Variants in UBR4 observed in about 807,000 individuals in gnomAD.
The protein encoded by UBR4 is E3 ubiquitin-protein ligase UBR4.
A neutral mutation model predicts 575.6 loss-of-function variants in UBR4; 124 were observed. The observed-to-expected ratio is 0.22, with a 90% CI of 0.19 to 0.25. UBR4 has a LOEUF of 0.25. Ranked by LOEUF, UBR4 falls within the 10% of genes least tolerant of loss-of-function variation. The pLI is 1.00. For synonymous variants in UBR4, 2,455 were observed against 2,473.7 expected (o/e 0.99, Z 0.22); for missense variants, 4,818 against 6,478.8 (o/e 0.74, Z 8.80).
At chr1:19,099,988 G>C in intron 89 of UBR4, 1 of 429,174 alleles carries the variant, frequency 2.3e-6, no homozygotes, top group Non-Finnish European at 4.2e-6. Flanking sequence ...GACCCTCAAC[G>C]GTCTGCCAGA....
Position 19,148,292 on chromosome 1 carries a change from T to C in UBR4, c.7495-165A>G, listed in dbSNP as rs1259139838. ...AAAGTTTCAGAAATTATAATCCTCC[T>C]TCTTACCAGAGGAAGACATGGAATC... is the stretch of plus-strand genomic sequence containing the variant. On this transcript the variant is annotated intron_variant, in intron 50 of 105. Transcript: ENST00000375254. Among the ~76,000 whole-genome samples, 3 of 152,140 alleles carry C rather than the reference T, an allele frequency of 2.0e-5. 1 individual carries two copies. In the South Asian group the frequency reaches 6.2e-4, roughly 32 times the overall value.
At position 19,092,712 on chromosome 1, in the gene UBR4, T is replaced by C; in HGVS notation, c.14211+107A>G. 2.2e-6 allele frequency: 2 copies of C among 893,844 alleles called. 1 individual carries two copies. The highest frequency in any genetic ancestry group is 5.3e-4 in the Middle Eastern group (2 of 3,762). 55.4% of individuals were successfully genotyped at this position (893,844 alleles called of 1,614,324 possible). On this transcript the variant is annotated intron_variant, in intron 97 of 105. Coordinates refer to ENST00000375254, the MANE Select transcript of UBR4 (RefSeq NM_020765.3). ...GAAGTAGATGACTTCTGAGGCTCAC[T>C]TCTACTCTAGAAGTCTCATATATTA... is the stretch of plus-strand genomic sequence containing the variant.
rs754945418 is a variant in UBR4, at chr1:19,104,140, T to G, written c.12845A>C (p.Lys4282Thr). ...CATGTCCTGCGTCTCATCGATCAGCTTGGTCCTCTGCACCACCAGCTTCCG... is the reference window on the plus strand; with the variant it reads ...CATGTCCTGCGTCTCATCGATCAGCGTGGTCCTCTGCACCACCAGCTTCCG... Reference protein sequence around the residue: ...CLRKLVVQRTKLIDETQDMLL... With the variant: ...CLRKLVVQRTTLIDETQDMLL... The change falls in exon 87 of 106, where the codon AAG (lysine) becomes ACG (threonine). Residue 4282 changes from lysine (K) to threonine (T), a missense_variant. By Grantham distance (78) the Lys-to-Thr change is moderately conservative. Around this residue, in one of 29 missense-constraint regions of UBR4, gnomAD observed 105 missense variants for 232.8 expected, o/e 0.45. Coordinates refer to ENST00000375254, the MANE Select transcript of UBR4 (RefSeq NM_020765.3). 6.2e-7 allele frequency: 1 copy of G among 1,614,238 alleles called. No individual in the cohort carries two copies. Among genetic ancestry groups the G allele is most frequent in the South Asian group, 1.1e-5 (1 of 91,086 alleles).
At chr1:19,203,685 G>A (rs1333101454) in intron 1 of UBR4, among the ~76,000 whole-genome samples, 1 of 152,162 alleles carries the variant, frequency 6.6e-6, no homozygotes, top group Non-Finnish European at 1.5e-5. Flanking sequence ...GGCATTGCGA[G>A]CACTTTGCTA....
chr1:19,187,051 C>T, intron 13 of UBR4, 113 bp downstream of exon 13: 1 of 825,744 alleles, frequency 1.2e-6, no homozygotes, highest in Non-Finnish European at 1.5e-6. Flanking sequence ...GGTGTGTAGT[C>T]AGTCTTATTC....
In UBR4 at chr1:19,177,552, C is replaced by A. The variant is rs139123147; in HGVS notation, c.2546G>T (p.Arg849Leu). Residue 849 changes from arginine to leucine, a missense_variant, in exon 19 of 106, where the codon CGC (arginine) becomes CTC (leucine). Around this residue, in one of 29 missense-constraint regions of UBR4, gnomAD observed 1,172 missense variants for 1,259.7 expected, o/e 0.93. Transcript: ENST00000375254. ...GCGAGCCAAGATAAGCGGCACGAAG[C>A]GCATCTGAGCATCCATGTTGACGCT... ...ELSVNMDAQMRFVPLILARLL... is the reference protein window; with the variant it reads ...ELSVNMDAQMLFVPLILARLL... 4.3e-6 allele frequency: 7 copies of A among 1,613,796 alleles called. No individual in the cohort carries two copies. The highest frequency in any genetic ancestry group is 5.1e-6 in the Non-Finnish European group (6 of 1,179,986).
At position 19,139,331 on chromosome 1, in the gene UBR4, T is replaced by C. The variant is rs2083566675; in HGVS notation, c.8594-111A>G. ...TGAAAGCATCAAACCACATAGTGCA[T>C]AGGACACAATGCAGTTTATATATCC... On this transcript the variant is annotated intron_variant, in intron 58 of 105. Coordinates refer to ENST00000375254, the MANE Select transcript of UBR4 (RefSeq NM_020765.3). This position sits in a 1 kb window ranked among gnomAD's most constrained non-coding sequence, Gnocchi z 4.2. 4.4e-6 allele frequency: 6 copies of C among 1,354,050 alleles called. No homozygotes were observed. Among genetic ancestry groups the C allele is most frequent in the Admixed American group, 2.9e-5 (1 of 34,478 alleles). The allele number at this position is 1,354,050 out of a possible 1,614,324, so 83.9% of individuals were successfully genotyped here. A position where few individuals can be genotyped will look rare whatever the true frequency, so the allele number is the denominator to read the frequency against.
At chr1:19,197,388 G>A in intron 7 of UBR4, 123 bp from the exon 8 acceptor site, 1 of 1,387,922 alleles carries the variant, frequency 7.2e-7, no homozygotes, top group Non-Finnish European at 9.8e-7. Flanking sequence ...CGACACTTCA[G>A]GAGGCCAAGG....
chr1:19,100,575 T>C lies in UBR4; in HGVS notation c.13024-2A>G, dbSNP rs765679092. ...GAACTCAGTGACTTCATTCTCCTCC[T>C]GGAGGACAGACAGAAGGGTGCATCA... On this transcript the variant is annotated splice_acceptor_variant, in intron 88 of 105. Transcript: ENST00000375254. LOFTEE classifies it high-confidence loss of function. This position sits in a 1 kb window ranked among gnomAD's most constrained non-coding sequence, Gnocchi z 4.2. 5 of 1,613,746 alleles carry C rather than the reference T, an allele frequency of 3.1e-6. No individual in the cohort carries two copies.
rs552952185 is a variant in UBR4, at chr1:19,114,818, C to T, written c.11195G>A (p.Arg3732Gln). The T allele has an allele frequency of 5.6e-6, 9 of 1,614,108 alleles. No individual in the cohort carries two copies. The highest frequency in any genetic ancestry group is 2.7e-5 in the African/African-American group (2 of 75,046). Residue 3732 changes from arginine (R) to glutamine (Q), a missense_variant, in exon 75 of 106, where the codon CGG becomes CAG. Transcript: ENST00000375254. ...GGCCAGATCTGGCCTCACCTTCTTC[C>T]GGTCTTCTTCATTCTCAATGGGATC... is the stretch of plus-strand genomic sequence containing the variant. Reference protein sequence around the residue: ...AVDPIENEEDRKKAVSNINTL... With the variant: ...AVDPIENEEDQKKAVSNINTL...
At chr1:19,170,609 A>T (rs1007372249) in intron 26 of UBR4, among the ~76,000 whole-genome samples, 153 bp downstream of exon 26, 2 of 152,246 alleles carry the variant, frequency 1.3e-5, no homozygotes, top group Non-Finnish European at 2.9e-5. Flanking sequence ...GGTTATTGTG[A>T]AGATCAAAAT....
At position 19,115,339 on chromosome 1, in the gene UBR4, T is replaced by C. The variant is rs911595305; in HGVS notation, c.11063+59A>G. On this transcript the variant is annotated intron_variant, in intron 74 of 105. Transcript: ENST00000375254. ...CTGTAATTGCTCACACTGACACTACTACAGAAAAATAACAAGGAATGTGCA... is the reference window on the plus strand; with the variant it reads ...CTGTAATTGCTCACACTGACACTACCACAGAAAAATAACAAGGAATGTGCA... The C allele has an allele frequency of 8.8e-6, 14 of 1,583,394 alleles. No homozygotes were observed. The South Asian group carries it at 1.2e-4, about 13-fold the overall frequency.
In UBR4 at chr1:19,156,279, A is replaced by G; in HGVS notation, c.6064T>C (p.Phe2022Leu). ...QTELAIVTAD[F>L]VKIYDLCVDA... ...AAGAACTGTAACTGTACCTTAACAA[A>G]GTCTGCGGTGACAATTGCTAACTCG... The change falls in exon 42 of 106, where the codon TTT becomes CTT. Residue 2022 changes from phenylalanine (F) to leucine (L), a missense_variant. Phe to Leu is a conservative substitution (Grantham distance 22, BLOSUM62 0). This residue lies in a region of UBR4 where 461 missense variants were observed against 606.9 expected (regional missense o/e 0.76). Coordinates refer to ENST00000375254, the MANE Select transcript of UBR4 (RefSeq NM_020765.3). The G allele has an allele frequency of 6.2e-7, 1 of 1,614,132 alleles. No individual in the cohort carries two copies. The highest frequency in any genetic ancestry group is 8.5e-7 in the Non-Finnish European group (1 of 1,179,984).
chr1:19,129,156 C>G (rs931407050), intron 60 of UBR4, 82 bp from the exon 61 acceptor site: 1 of 1,189,146 alleles, frequency 8.4e-7, no homozygotes, highest in African/African-American at 1.5e-5. Flanking sequence ...CCCAACCCCA[C>G]CCTGCTACCA....
rs765437198 is a variant in UBR4 at position 19,121,984 on chromosome 1, A to G, written c.9845T>C (p.Ile3282Thr). 10 of 1,614,008 alleles carry G rather than the reference A, an allele frequency of 6.2e-6. No individual in the cohort carries two copies. Among genetic ancestry groups the G allele is most frequent in the South Asian group, 5.5e-5 (5 of 91,084 alleles). ...LMEHLKACAE[I>T]AAQRTINWQK... ...CCAGTTGATGGTTCGCTGGGCGGCA[A>G]TCTCTGCACAGGCTTTCAGGTGCTC... The change falls in exon 67 of 106, where the codon ATT becomes ACT. Residue 3282 changes from isoleucine (I) to threonine (T), a missense_variant. Coordinates refer to ENST00000375254, the MANE Select transcript of UBR4 (RefSeq NM_020765.3).
chr1:19,209,979 G>C, intron 1 of UBR4, 94 bp downstream of exon 1: 3 of 1,390,370 alleles, frequency 2.2e-6, no homozygotes, highest in South Asian at 1.5e-5. Flanking sequence ...TCCTCAAGGG[G>C]GCAGGGGGCG....
At chr1:19,208,762 A>C (rs182210659) in intron 1 of UBR4, among the ~76,000 whole-genome samples, 5 of 152,336 alleles carry the variant, frequency 3.3e-5, no homozygotes, top group Admixed American at 3.3e-4. Context: ...TTAATATTTT[A>C]TAACCTATCC....
intron 59 of UBR4, 150 bp from the exon 60 acceptor site, chr1:19,138,331 A>C (rs2083424603): frequency 1.3e-6 from 1 of 792,600 alleles, no homozygotes; most frequent in Admixed American, 3.8e-5. Context: ...AAGCTAAGTA[A>C]GACCCCACAG....
chr1:19,132,658 GAATAGA>G (rs2082682045), intron 60 of UBR4, among the ~76,000 whole-genome samples: 1 of 63,746 alleles, frequency 1.6e-5, no homozygotes, highest in Admixed American at 1.6e-4. Flanking sequence ...TAAAAAGCAG[GAATAGA>G]AAGCAGACAT....
Sources: allele counts gnomAD v4.1 joint callset (sites outside exome capture counted in the v4.1 genomes callset), GRCh38; gene constraint gnomAD v4.1.1; regional missense constraint gnomAD v4.1.1; non-coding constraint Gnocchi (gnomAD v3.1); transcripts MANE v1.5; gene names NCBI Gene and HGNC (gene_info 2026-07-23, HGNC 2026-07-21).